SRD5A3: variants seen among roughly 807,000 people sequenced by gnomAD.
SRD5A3 encodes the protein polyprenal reductase.
SRD5A3 carries 24 observed loss-of-function variants against 34.3 expected under a neutral mutation model. The ratio of observed to expected loss-of-function variants is 0.70; its 90% CI spans 0.51 to 0.99. The LOEUF (loss-of-function observed/expected upper bound fraction) is 0.99, where lower values mean the gene tolerates loss of function less well. Ranked by LOEUF, SRD5A3 falls within the 50% of genes least tolerant of loss-of-function variation. SRD5A3 has a pLI of 0.00. For missense variants in SRD5A3, 350 were observed against 388.2 expected (o/e 0.90, Z 0.83); for synonymous variants, 161 against 167.3 (o/e 0.96, Z 0.29).
intron 2 of SRD5A3, among the ~76,000 whole-genome samples, chr4:55,362,381 C>T (rs1354741680): frequency 6.6e-6 from 1 of 152,074 alleles, no homozygotes; most frequent in Non-Finnish European, 1.5e-5. Flanking sequence ...CTGCCTCAGC[C>T]TCTCAAAGTG....
chr4:55,351,669 G>A, intron 1 of SRD5A3: 5 of 268,378 alleles, frequency 1.9e-5, no homozygotes, highest in Admixed American at 9.3e-5. Context: ...AAAAAAAAAA[G>A]GGGTGAGCAT....
chr4:55,364,055 G>C lies in SRD5A3; in HGVS notation c.365-19G>C, dbSNP rs376721684. 2.7e-5 allele frequency: 44 copies of C among 1,613,676 alleles called. No homozygotes were observed. Among genetic ancestry groups the C allele is most frequent in the Non-Finnish European group, 2.8e-5 (33 of 1,179,680 alleles). On this transcript the variant is annotated intron_variant, in intron 2 of 4. Transcript: ENST00000264228. ...ATCCCAGAAGAGAAATGCTGACCCT[G>C]TTGCCTTCTGAATTGTAGGAGGGGA...
At position 55,369,324 on chromosome 4, in the gene SRD5A3, TG is replaced by T. The variant is rs1192931294; in HGVS notation, c.698-507del. 1.2e-4 allele frequency among the ~76,000 whole-genome samples: 18 copies of T among 152,320 alleles called. No homozygotes were observed. The East Asian group carries it at 3.5e-3, about 29-fold the overall frequency. The stretch of plus-strand genomic sequence containing the variant: ...GCTGGAGTAACTGGCTTTTCTCTTG[TG>T]CTATGGACAGTTGACAATTTAACCT... On this transcript the variant is annotated intron_variant, in intron 4 of 4. Transcript: ENST00000264228.
At chr4:55,350,182 C>T (rs998592489) in intron 1 of SRD5A3, among the ~76,000 whole-genome samples, 1 of 151,920 alleles carries the variant, frequency 6.6e-6, no homozygotes, top group African/African-American at 2.4e-5. Flanking sequence ...CCAGCCTGGC[C>T]GAAATGGTGA....
Position 55,346,488 on chromosome 4 carries a change from G to C in SRD5A3, c.152G>C (p.Arg51Pro). 1 of 1,604,148 alleles carries C rather than the reference G, an allele frequency of 6.2e-7. No individual in the cohort carries two copies. Among genetic ancestry groups the C allele is most frequent in the Non-Finnish European group, 8.5e-7 (1 of 1,176,012 alleles). ...PGCAIFQDLI[R>P]YGKTKCGEPS... ...TGCGCGATCTTCCAGGACCTGATCCGCTATGGGAAAACCAAGTGTGGGGAG... is the reference window on the plus strand; with the variant it reads ...TGCGCGATCTTCCAGGACCTGATCCCCTATGGGAAAACCAAGTGTGGGGAG... The change falls in exon 1 of 5, where the codon CGC becomes CCC. Residue 51 changes from arginine to proline, a missense_variant. By Grantham distance (103) the Arg-to-Pro change is moderately radical (BLOSUM62 -2). Transcript: ENST00000264228.
chr4:55,355,092 T>C (rs1235326746), intron 1 of SRD5A3, among the ~76,000 whole-genome samples: 1 of 152,164 alleles, frequency 6.6e-6, no homozygotes, highest in Non-Finnish European at 1.5e-5. Context: ...GCAGTGAAGA[T>C]TTTAGATTGG....
In SRD5A3 at chr4:55,372,952, G is replaced by T. The variant is rs1015368942; in HGVS notation, c.*2861G>T. Reference sequence around the variant, plus strand: ...AATTCCTACAAAAAAAAAAAAAACCGTTGCAGATATTTTTGTATGTAGCTT... The same window carrying T: ...AATTCCTACAAAAAAAAAAAAAACCTTTGCAGATATTTTTGTATGTAGCTT... On this transcript the variant is annotated 3_prime_UTR_variant, in exon 5 of 5. Coordinates refer to ENST00000264228, the MANE Select transcript of SRD5A3 (RefSeq NM_024592.5). 8.1e-5 allele frequency: 12 copies of T among 149,012 alleles called. No homozygotes were observed. Among genetic ancestry groups the T allele is most frequent in the African/African-American group, 2.7e-4 (11 of 40,504 alleles). 9.2% of individuals were successfully genotyped at this position (149,012 alleles called of 1,614,324 possible). A position where few individuals can be genotyped will look rare whatever the true frequency, so the allele number is the denominator to read the frequency against.
At position 55,346,426 on chromosome 4, in the gene SRD5A3, A is replaced by G; in HGVS notation, c.90A>G (p.Leu30=). 6.2e-7 allele frequency: 1 copy of G among 1,603,046 alleles called. No homozygotes were observed. The highest frequency in any genetic ancestry group is 8.5e-7 in the Non-Finnish European group (1 of 1,175,892). The change falls in exon 1 of 5, where the codon CTA becomes CTG. Residue 30 remains leucine, a synonymous_variant. Transcript: ENST00000264228. ...LTLTAAFLLT[L]LLQLLPPGLL... The stretch of plus-strand genomic sequence containing the variant: ...TGACCGCCGCCTTCCTGCTGACCCT[A>G]CTGCTGCAGCTCCTGCCGCCCGGCC...
Position 55,372,797 on chromosome 4 carries a change from G to T in SRD5A3, c.*2706G>T, listed in dbSNP as rs946875720. The T allele has an allele frequency of 2.6e-5, 4 of 152,094 alleles. No individual in the cohort carries two copies. Among genetic ancestry groups the T allele is most frequent in the African/African-American group, 9.7e-5 (4 of 41,440 alleles). 9.4% of individuals were successfully genotyped at this position (152,094 alleles called of 1,614,324 possible). A position where few individuals can be genotyped will look rare whatever the true frequency, so the allele number is the denominator to read the frequency against. On this transcript the variant is annotated 3_prime_UTR_variant, in exon 5 of 5. Coordinates refer to ENST00000264228, the MANE Select transcript of SRD5A3 (RefSeq NM_024592.5). The stretch of plus-strand genomic sequence containing the variant: ...CCTTGATTAACTACTGACTAAAAGT[G>T]TGCTGAAAATGGCCTTTGTTTTTGT...
At chr4:55,352,333 C>G in intron 1 of SRD5A3, 1 of 790,016 alleles carries the variant, frequency 1.3e-6, no homozygotes. Context: ...TTATCCTTTT[C>G]TGTAAGCCTC....
chr4:55,362,220 C>T (rs1275215485), intron 2 of SRD5A3, among the ~76,000 whole-genome samples: 1 of 151,316 alleles, frequency 6.6e-6, no homozygotes, highest in Non-Finnish European at 1.5e-5. Context: ...CTACCCCTCC[C>T]GGGTTCAAGC....
chr4:55,346,665 G>A (rs926649388), intron 1 of SRD5A3, 108 bp downstream of exon 1: 1 of 1,121,782 alleles, frequency 8.9e-7, no homozygotes, highest in Admixed American at 4.0e-5. Flanking sequence ...CCCGGCCTGG[G>A]AGGCCCTGGC....
intron 1 of SRD5A3, among the ~76,000 whole-genome samples, chr4:55,352,945 G>T (rs1306201389): frequency 6.6e-6 from 1 of 152,212 alleles, no homozygotes; most frequent in Non-Finnish European, 1.5e-5. Flanking sequence ...GATGGGGTGG[G>T]GGAAACAGTA....
At chr4:55,362,842 CTT>C (rs757066208) in intron 2 of SRD5A3, among the ~76,000 whole-genome samples, 52 of 127,796 alleles carry the variant, frequency 4.1e-4, no homozygotes, top group Admixed American at 6.4e-4. Context: ...GTGTGTGAGA[CTT>C]TTTTTTTTTT....
chr4:55,355,822 T>A (rs1276536945), intron 1 of SRD5A3, among the ~76,000 whole-genome samples: 1 of 152,130 alleles, frequency 6.6e-6, no homozygotes, highest in Non-Finnish European at 1.5e-5. Flanking sequence ...CACACAAAGA[T>A]AACCACATAA....
intron 1 of SRD5A3, among the ~76,000 whole-genome samples, chr4:55,354,616 C>T (rs75814680): frequency 0.018 from 2,754 of 152,256 alleles, 76 homozygotes; most frequent in African/African-American, 0.063. Context: ...CTGGAAAGGC[C>T]TTTCCCCAGA....
At chr4:55,361,362 A>G (rs1719677801) in intron 2 of SRD5A3, among the ~76,000 whole-genome samples, 1 of 150,978 alleles carries the variant, frequency 6.6e-6, no homozygotes, top group Non-Finnish European at 1.5e-5. Context: ...CATGCCTGTA[A>G]CCCCAGCTAC....
intron 1 of SRD5A3, among the ~76,000 whole-genome samples, chr4:55,357,517 C>G (rs951632040): frequency 1.4e-4 from 21 of 152,294 alleles, no homozygotes; most frequent in South Asian, 2.1e-4. Context: ...AACCAAAGAT[C>G]AGTAGCCACA....
In SRD5A3 at chr4:55,364,189, C is replaced by T. The variant is rs797046008; in HGVS notation, c.480C>T (p.Val160=). Residue 160 remains valine (V), a synonymous_variant, in exon 3 of 5, where the codon GTC becomes GTT. Transcript: ENST00000264228. ...VSVFSNVMIH[V]VQYCFGLVYY... ...TCTTCTCCAATGTCATGATTCACGT[C>T]GTGCAGTACTGTTTTGGACTTGTCT... 8.1e-6 allele frequency: 13 copies of T among 1,614,022 alleles called. No individual in the cohort carries two copies. Among genetic ancestry groups the T allele is most frequent in the Middle Eastern group, 1.6e-4 (1 of 6,082 alleles).
Sources: allele counts gnomAD v4.1 joint callset (sites outside exome capture counted in the v4.1 genomes callset), GRCh38; gene constraint gnomAD v4.1.1; transcripts MANE v1.5; gene names NCBI Gene and HGNC (gene_info 2026-07-23, HGNC 2026-07-21).